The following MARK3 variants were observed in gnomAD, a reference collection of about 807,000 sequenced individuals.
MARK3 encodes MAP/microtubule affinity-regulating kinase 3.
MARK3 carries 46 observed loss-of-function variants against 90.1 expected under a neutral mutation model. The ratio of observed to expected loss-of-function variants is 0.51; its 90% confidence interval spans 0.40 to 0.65. The LOEUF is 0.65. Ranked by LOEUF, MARK3 falls within the 30% of genes least tolerant of loss-of-function variation. The probability of loss-of-function intolerance (pLI) is 0.00; values close to 1 mark genes in which losing one functional copy is unlikely to be tolerated. For synonymous variants in MARK3, 321 were observed against 332.6 expected (o/e 0.97, Z 0.38); for missense variants, 818 against 947.2 (o/e 0.86, Z 1.79).
rs999896701 is a variant in MARK3, at chr14:103,462,451, G to A, written c.530G>A (p.Arg177Gln). ...TGCCATCAGAAACGGATCGTACATC[G>A]AGACCTCAAGGTGAGTAGAAGTGCC... ...QYCHQKRIVH[R>Q]DLKAENLLLD... Residue 177 changes from arginine to glutamine, a missense_variant, in exon 7 of 18, where the codon CGA becomes CAA. Arg to Gln is a conservative substitution (Grantham distance 43, BLOSUM62 1). Around this residue, in one of 3 missense-constraint regions of MARK3, gnomAD observed 101 missense variants for 175.1 expected, o/e 0.58. Transcript: ENST00000429436. The A allele has an allele frequency of 2.5e-6, 4 of 1,603,536 alleles. No homozygotes were observed. The highest frequency in any genetic ancestry group is 1.7e-4 in the Middle Eastern group (1 of 6,030).
chr14:103,463,251 C>CTG (rs2093436216), intron 7 of MARK3, among the ~76,000 whole-genome samples: 1 of 151,630 alleles, frequency 6.6e-6, no homozygotes, highest in African/African-American at 2.4e-5. Flanking sequence ...TTCCTAGATT[C>CTG]TGTGTCTTAA....
At chr14:103,391,709 ATTTTTTTTTTTTT>A (rs71126012) in intron 1 of MARK3, among the ~76,000 whole-genome samples, 3 of 69,684 alleles carry the variant, frequency 4.3e-5, no homozygotes, top group Non-Finnish European at 7.3e-5. Context: ...ATGCCTGGCT[ATTTTTTTTTTTTT>A]TTTTTTTTTT....
chr14:103,470,733 A>G (rs182449093), intron 12 of MARK3, among the ~76,000 whole-genome samples: 34 of 152,174 alleles, frequency 2.2e-4, no homozygotes, highest in Non-Finnish European at 4.3e-4. Flanking sequence ...CTCGGATTAC[A>G]GGCATGAGTC....
intron 12 of MARK3, among the ~76,000 whole-genome samples, chr14:103,472,296 G>A (rs909823206): frequency 1.3e-5 from 2 of 151,590 alleles, no homozygotes; most frequent in African/African-American, 4.8e-5. Flanking sequence ...TTGGACTGGT[G>A]AAGGTGTTTC....
chr14:103,416,643 G>A (rs564840346), intron 2 of MARK3, among the ~76,000 whole-genome samples: 1 of 152,124 alleles, frequency 6.6e-6, no homozygotes, highest in Non-Finnish European at 1.5e-5. Context: ...ATGGTGGCGT[G>A]CCCCTGTAAT....
At chr14:103,414,507 T>C (rs1420801355) in intron 2 of MARK3, among the ~76,000 whole-genome samples, 1 of 152,180 alleles carries the variant, frequency 6.6e-6, no homozygotes, top group Non-Finnish European at 1.5e-5. Context: ...ACCCAGCTAC[T>C]TAGTACTTTT....
intron 10 of MARK3, 64 bp downstream of exon 10, chr14:103,466,506 C>CA (rs762730665): frequency 4.9e-5 from 49 of 997,730 alleles, no homozygotes; most frequent in Non-Finnish European, 7.6e-5. Context: ...TGTTTTGACT[C>CA]ATGTCTGTGC....
chr14:103,393,183 A>G (rs372818123), intron 1 of MARK3, among the ~76,000 whole-genome samples: 1 of 152,018 alleles, frequency 6.6e-6, no homozygotes, highest in African/African-American at 2.4e-5. Context: ...GGGTTTCACC[A>G]TGTTGGCAGG....
chr14:103,434,028 T>C (rs1363656980), intron 3 of MARK3, among the ~76,000 whole-genome samples: 1 of 152,146 alleles, frequency 6.6e-6, no homozygotes, highest in Non-Finnish European at 1.5e-5. Flanking sequence ...GTTCTCATTA[T>C]CGTGTGTTTC....
chr14:103,457,779 A>G (rs963082199), intron 6 of MARK3, among the ~76,000 whole-genome samples: 3 of 152,226 alleles, frequency 2.0e-5, no homozygotes, highest in African/African-American at 7.2e-5. Context: ...TACTTTACCA[A>G]CATTAAGGTA....
At position 103,503,297 on chromosome 14, in the gene MARK3, A is replaced by G. The variant is rs2075772067; in HGVS notation, c.*70A>G. 13 of 1,298,474 alleles carry G rather than the reference A, an allele frequency of 1.0e-5. No homozygotes were observed. The highest frequency in any genetic ancestry group is 1.4e-5 in the Non-Finnish European group (13 of 931,786). The allele number at this position is 1,298,474 out of a possible 1,614,324, so 80.4% of individuals were successfully genotyped here. ...CTGAACACTGATGGAAATGTATAGA[A>G]TAATATTTAGGCAATAACGTCTGCA... On this transcript the variant is annotated 3_prime_UTR_variant, in exon 18 of 18. Transcript: ENST00000429436.
At chr14:103,406,219 G>C (rs962035735) in intron 2 of MARK3, among the ~76,000 whole-genome samples, 1 of 150,414 alleles carries the variant, frequency 6.6e-6, no homozygotes. Context: ...CTTTTTTGGG[G>C]GGTTAGGGGG....
chr14:103,455,628 TGAGGCAC>T (rs1243945445), intron 5 of MARK3, among the ~76,000 whole-genome samples: 2 of 150,200 alleles, frequency 1.3e-5, no homozygotes, highest in Middle Eastern at 3.2e-3. Flanking sequence ...CTCAGGAGGC[TGAGGCAC>T]GAGAATTGCT....
intron 7 of MARK3, among the ~76,000 whole-genome samples, chr14:103,465,231 G>A (rs1275336265): frequency 6.6e-6 from 1 of 152,162 alleles, no homozygotes; most frequent in East Asian, 1.9e-4. Flanking sequence ...GCCTCCCAAA[G>A]TGCTGGGATC....
Position 103,467,118 on chromosome 14 carries a change from A to G in MARK3, c.1037A>G (p.Gln346Arg), listed in dbSNP as rs1368687286. ...ATGGGATATTCACAAGAAGAAATTC[A>G]AGAATCTCTTAGTAAGATGAAATAC... ...VGMGYSQEEI[Q>R]ESLSKMKYDE... The change falls in exon 11 of 18, where the codon CAA becomes CGA. Residue 346 changes from glutamine (Q) to arginine (R), a missense_variant. Physicochemically the swap from Gln to Arg is conservative, Grantham distance 43. This residue lies in a region of MARK3 where 560 missense variants were observed against 613.5 expected (regional missense o/e 0.91). Coordinates refer to ENST00000429436, the MANE Select transcript of MARK3 (RefSeq NM_001128918.3). 3 of 1,596,302 alleles carry G rather than the reference A, an allele frequency of 1.9e-6. No homozygotes were observed. The highest frequency in any genetic ancestry group is 2.6e-6 in the Non-Finnish European group (3 of 1,165,942).
At chr14:103,468,311 C>CTTA in intron 12 of MARK3, 125 bp downstream of exon 12, 2 of 155,414 alleles carry the variant, frequency 1.3e-5, no homozygotes, top group African/African-American at 4.2e-5. Flanking sequence ...TTCTTTCTTT[C>CTTA]TTCTTTTTTT....
intron 14 of MARK3, among the ~76,000 whole-genome samples, chr14:103,484,753 A>G (rs976402436): frequency 4.7e-5 from 4 of 85,180 alleles, no homozygotes; most frequent in African/African-American, 1.7e-4. Context: ...CAACATGGTG[A>G]AACCCTGTCT....
chr14:103,462,550 C>T, intron 7 of MARK3, 89 bp downstream of exon 7: 1 of 853,978 alleles, frequency 1.2e-6, no homozygotes, highest in Non-Finnish European at 1.8e-6. Flanking sequence ...TATAGATTAG[C>T]CTTATTAGCA....
In MARK3 at chr14:103,491,889, G is replaced by C. The variant is rs1207865053; in HGVS notation, c.1699G>C (p.Gly567Arg). ...RGTASRSTFH[G>R]QPRERRTATY... is the part of the protein sequence containing the mutation. ...CACTGCCAGTCGTAGCACTTTCCAC[G>C]GCCAGCCCCGGGAACGGCGAACCGC... Residue 567 changes from glycine to arginine, a missense_variant, in exon 15 of 18, where the codon GGC (glycine) becomes CGC (arginine). By Grantham distance (125) the Gly-to-Arg change is moderately radical. Transcript: ENST00000429436. 1.9e-6 allele frequency: 3 copies of C among 1,614,070 alleles called. No individual in the cohort carries two copies. The Admixed American group carries it at 5.0e-5, about 27-fold the overall frequency.
Sources: gnomAD v4.1 joint callset for allele counts (sites outside exome capture counted in the v4.1 genomes callset) on GRCh38, gnomAD v4.1.1 for gene constraint, gnomAD v4.1.1 regional missense constraint, MANE v1.5 for transcripts, NCBI Gene and HGNC (gene_info 2026-07-23, HGNC 2026-07-21) for gene names.